SLC25A28: variants seen among roughly 807,000 people sequenced by gnomAD.
SLC25A28 encodes the protein solute carrier family 25 member 28.
SLC25A28 carries 10 observed loss-of-function variants against 31.9 expected under a neutral mutation model. The ratio of observed to expected loss-of-function variants is 0.31; its 90% CI spans 0.19 to 0.53. SLC25A28 has a LOEUF of 0.53. Among genes scored for constraint, SLC25A28 ranks in the 20% least tolerant of loss-of-function variants. The pLI, the probability that SLC25A28 is intolerant of heterozygous loss-of-function variation, is 0.95. For synonymous variants in SLC25A28, 208 were observed against 203.6 expected (o/e 1.02, Z -0.19); for missense variants, 256 against 490.3 (o/e 0.52, Z 4.51).
At chr10:99,612,240 T>G (rs959642264) in intron 3 of SLC25A28, among the ~76,000 whole-genome samples, 1 of 151,946 alleles carries the variant, frequency 6.6e-6, no homozygotes, top group African/African-American at 2.4e-5. Flanking sequence ...TGAAGAAAAA[T>G]GAATCTGCTA....
Position 99,610,570 on chromosome 10 carries a change from C to T in SLC25A28, c.*279G>A. 2.5e-6 allele frequency: 1 copy of T among 392,942 alleles called. No homozygotes were observed. The highest frequency in any genetic ancestry group is 5.1e-5 in the South Asian group (1 of 19,680). The allele number at this position is 392,942 out of a possible 1,614,324, so 24.3% of individuals were successfully genotyped here. A position where few individuals can be genotyped will look rare whatever the true frequency, so the allele number is the denominator to read the frequency against. On this transcript the variant is annotated 3_prime_UTR_variant, in exon 4 of 4. Transcript: ENST00000370495. ...GGAACCAGGGGAATGAGCTGCTTATCCCTCTATAACAGTCTAGAGCAGGTC... is the reference window on the plus strand; with the variant it reads ...GGAACCAGGGGAATGAGCTGCTTATTCCTCTATAACAGTCTAGAGCAGGTC...
Position 99,610,546 on chromosome 10 carries a change from G to C in SLC25A28, c.*303C>G. 3.1e-6 allele frequency: 1 copy of C among 325,072 alleles called. No homozygotes were observed. The highest frequency in any genetic ancestry group is 5.2e-5 in the East Asian group (1 of 19,048). 20.1% of individuals were successfully genotyped at this position (325,072 alleles called of 1,614,324 possible). On this transcript the variant is annotated 3_prime_UTR_variant, in exon 4 of 4. Coordinates refer to ENST00000370495, the MANE Select transcript of SLC25A28 (RefSeq NM_031212.4). Reference sequence around the variant, plus strand: ...ATTTAATTTAAAGGCTTTTTATTAGGAACCAGGGGAATGAGCTGCTTATCC... The same window carrying C: ...ATTTAATTTAAAGGCTTTTTATTAGCAACCAGGGGAATGAGCTGCTTATCC...
At chr10:99,657,938 C>T in the SLC25A28 span, among the ~76,000 whole-genome samples, 3 of 152,116 alleles carry the variant, frequency 2.0e-5, no homozygotes, top group East Asian at 5.8e-4. Context: ...GTAATCCCAG[C>T]ACTTTGGGAG....
At chr10:99,614,808 T>A (rs2034609633) in intron 1 of SLC25A28, among the ~76,000 whole-genome samples, 1 of 152,190 alleles carries the variant, frequency 6.6e-6, no homozygotes, top group Non-Finnish European at 1.5e-5. Context: ...AAATTTCTCA[T>A]CTACTGACCC....
the SLC25A28 span, among the ~76,000 whole-genome samples, chr10:99,627,614 T>G: frequency 1.2e-4 from 19 of 152,132 alleles, no homozygotes; most frequent in African/African-American, 4.3e-4. Context: ...CTAATTTTTT[T>G]GAATTTTAGT....
chr10:99,639,053 A>G, the SLC25A28 span, among the ~76,000 whole-genome samples: 480 of 152,188 alleles, frequency 3.2e-3, 5 homozygotes, highest in African/African-American at 0.011. Flanking sequence ...CCCATCAATC[A>G]ATGAGTGGAT....
rs2133340759 is a variant in SLC25A28, at chr10:99,613,412, T to C, written c.520+284A>G. 7.6e-7 allele frequency: 1 copy of C among 1,312,146 alleles called. No homozygotes were observed. The highest frequency in any genetic ancestry group is 3.5e-5 in the East Asian group (1 of 28,314). The allele number at this position is 1,312,146 out of a possible 1,614,324, so 81.3% of individuals were successfully genotyped here. A position where few individuals can be genotyped will look rare whatever the true frequency, so the allele number is the denominator to read the frequency against. Reference sequence around the variant, plus strand: ...GGGGGTAGTTCAGTGTGTCTCCACATTACCAGGGCATTAGAAGTTGATGCC... The same window carrying C: ...GGGGGTAGTTCAGTGTGTCTCCACACTACCAGGGCATTAGAAGTTGATGCC... On this transcript the variant is annotated intron_variant, in intron 2 of 3. Coordinates refer to ENST00000370495, the MANE Select transcript of SLC25A28 (RefSeq NM_031212.4). The surrounding 1 kb of genome is among the most constrained non-coding windows in gnomAD (Gnocchi z 4.9).
the SLC25A28 span, among the ~76,000 whole-genome samples, chr10:99,644,807 T>G: frequency 8.0e-3 from 1,218 of 152,234 alleles, 12 homozygotes; most frequent in Non-Finnish European, 0.011. Context: ...TTCTCCTTCA[T>G]GTATGTAGCT....
chr10:99,617,162 G>A (rs988726074), intron 1 of SLC25A28: 2 of 985,266 alleles, frequency 2.0e-6, no homozygotes, highest in African/African-American at 3.5e-5. Flanking sequence ...TTTGAGAAGG[G>A]TTCTGACTGT....
chr10:99,656,593 A>G, the SLC25A28 span, among the ~76,000 whole-genome samples: 3 of 152,290 alleles, frequency 2.0e-5, no homozygotes, highest in Admixed American at 6.5e-5. Context: ...AAATTCCTTT[A>G]GAGGGTAGGG....
At chr10:99,615,653 AG>A (rs2034634366) in intron 1 of SLC25A28, 2 of 985,438 alleles carry the variant, frequency 2.0e-6, no homozygotes, top group East Asian at 1.1e-4. Flanking sequence ...TTTCCAATAA[AG>A]GGTTTGTTTA....
At chr10:99,624,146 T>TCTC (rs1554962152), upstream of SLC25A28, among the ~76,000 whole-genome samples, 1,014 of 147,594 alleles carry the variant, frequency 6.9e-3, 17 homozygotes, top group African/African-American at 0.023. Context: ...GTCTTCTCTT[T>TCTC]TTCTTTCTTT....
At chr10:99,619,703 C>T (rs1355492239) in intron 1 of SLC25A28, among the ~76,000 whole-genome samples, 1 of 152,246 alleles carries the variant, frequency 6.6e-6, no homozygotes, top group African/African-American at 2.4e-5. Flanking sequence ...TTGGCTTCAC[C>T]TTAATCGAGT....
chr10:99,656,849 C>A, the SLC25A28 span, among the ~76,000 whole-genome samples: 1 of 152,162 alleles, frequency 6.6e-6, no homozygotes, highest in Non-Finnish European at 1.5e-5. Context: ...TAGAGAAATA[C>A]TCTCAGTGCT....
the SLC25A28 span, among the ~76,000 whole-genome samples, chr10:99,635,789 G>A: frequency 6.6e-5 from 10 of 152,196 alleles, no homozygotes; most frequent in African/African-American, 9.6e-5. Context: ...CATTTCATGC[G>A]AATGAACACC....
At chr10:99,627,610 T>G in the SLC25A28 span, among the ~76,000 whole-genome samples, 1 of 152,010 alleles carries the variant, frequency 6.6e-6, no homozygotes, top group Non-Finnish European at 1.5e-5. Context: ...CCGGCTAATT[T>G]TTTTGAATTT....
At chr10:99,620,841 C>T (rs531262245), upstream of SLC25A28, 5 of 985,488 alleles carry the variant, frequency 5.1e-6, no homozygotes, top group Admixed American at 6.1e-5. Context: ...ACTTCGGGCC[C>T]CTCACTAGCG....
At chr10:99,657,903 T>A in the SLC25A28 span, among the ~76,000 whole-genome samples, 44 of 152,282 alleles carry the variant, frequency 2.9e-4, no homozygotes, top group Middle Eastern at 3.4e-3. Flanking sequence ...TAAGCTTTCC[T>A]GGCCAGGTGC....
chr10:99,646,914 A>G, the SLC25A28 span, among the ~76,000 whole-genome samples: 4 of 152,238 alleles, frequency 2.6e-5, no homozygotes. Flanking sequence ...TATAAGTGAG[A>G]ACATGCTGTA....
Sources: gnomAD v4.1 joint callset for allele counts (sites outside exome capture counted in the v4.1 genomes callset) on GRCh38, gnomAD v4.1.1 for gene constraint, Gnocchi (gnomAD v3.1) non-coding constraint, MANE v1.5 for transcripts, NCBI Gene and HGNC (gene_info 2026-07-23, HGNC 2026-07-21) for gene names.